Variants in B3GALT1 observed in about 807,000 individuals in gnomAD.
B3GALT1 encodes UDP-Gal:betaGlcNAc beta 1,3-galactosyltransferase, polypeptide 1.
Under a neutral mutation model 23.2 loss-of-function variants are expected in B3GALT1, and 10 were observed. The observed-to-expected ratio is 0.43, with a 90% CI of 0.27 to 0.73. B3GALT1 has a LOEUF of 0.73. Ranked by LOEUF, B3GALT1 falls within the 30% of genes least tolerant of loss-of-function variation. The pLI is 0.21. For synonymous variants in B3GALT1, 156 were observed against 141.5 expected (o/e 1.10, Z -0.73); for missense variants, 299 against 405.4 (o/e 0.74, Z 2.25).
At chr2:167,368,706 A>G (rs1193170559) in intron 1 of B3GALT1, among the ~76,000 whole-genome samples, 3 of 152,134 alleles carry the variant, frequency 2.0e-5, no homozygotes, top group Non-Finnish European at 1.5e-5. Flanking sequence ...AAAACGTTAT[A>G]TGATTCACAG....
At chr2:167,536,009 C>T (rs181793271) in intron 2 of B3GALT1, among the ~76,000 whole-genome samples, 159 of 152,196 alleles carry the variant, frequency 1.0e-3, no homozygotes, top group South Asian at 4.6e-3. Context: ...CTGCAACCTC[C>T]GCCTCCCAGG....
At chr2:167,295,859 AAATAT>A (rs1696343239) in intron 1 of B3GALT1, among the ~76,000 whole-genome samples, 1 of 152,182 alleles carries the variant, frequency 6.6e-6, no homozygotes, top group South Asian at 2.1e-4. Flanking sequence ...CGAGTAGGAC[AAATAT>A]AATCAAGTAC....
intron 4 of B3GALT1, among the ~76,000 whole-genome samples, chr2:167,820,831 AT>A (rs1477343032): frequency 1.3e-5 from 2 of 152,240 alleles, no homozygotes; most frequent in Non-Finnish European, 2.9e-5. Context: ...AAAGTAGCAA[AT>A]TAGAGTTCTC....
At chr2:167,371,763 T>C (rs1396306769) in intron 1 of B3GALT1, among the ~76,000 whole-genome samples, 2 of 151,982 alleles carry the variant, frequency 1.3e-5, no homozygotes, top group African/African-American at 4.8e-5. Flanking sequence ...TTGATCTATA[T>C]ATGTTTTTAA....
At chr2:167,866,015 A>G (rs1690210463) in intron 4 of B3GALT1, among the ~76,000 whole-genome samples, 1 of 151,918 alleles carries the variant, frequency 6.6e-6, no homozygotes, top group African/African-American at 2.4e-5. Context: ...CTTTTACTCA[A>G]CTAGTCCTGG....
chr2:167,767,611 A>T (rs1483978771), intron 3 of B3GALT1, among the ~76,000 whole-genome samples: 1 of 152,198 alleles, frequency 6.6e-6, no homozygotes, highest in Non-Finnish European at 1.5e-5. Flanking sequence ...TTCATAATAC[A>T]CATTTTCCAT....
chr2:167,307,568 T>C (rs1426263236), intron 1 of B3GALT1, among the ~76,000 whole-genome samples: 1 of 152,044 alleles, frequency 6.6e-6, no homozygotes, highest in Non-Finnish European at 1.5e-5. Flanking sequence ...TGGTGGACAG[T>C]GAATGGTGAG....
intron 2 of B3GALT1, among the ~76,000 whole-genome samples, chr2:167,592,957 A>C (rs1160117571): frequency 6.6e-6 from 1 of 152,214 alleles, no homozygotes; most frequent in Non-Finnish European, 1.5e-5. Flanking sequence ...TGCAATGGGA[A>C]GTCATGTCAC....
In B3GALT1 at chr2:167,465,669, G is replaced by A. The variant is rs528482406; in HGVS notation, c.-510-24508G>A. Among the ~76,000 whole-genome samples, 114 of 152,160 alleles carry A rather than the reference G, an allele frequency of 7.5e-4. 1 individual carries two copies. In the Middle Eastern group the frequency reaches 0.02, roughly 27 times the overall value. On this transcript the variant is annotated intron_variant, in intron 1 of 4. Transcript: ENST00000392690. ...TAGGTGTCAACATATGAATTTTGAG[G>A]CGATACATTTAGACCACAGCAGATA...
At chr2:167,622,964 T>C (rs1189327179) in intron 2 of B3GALT1, among the ~76,000 whole-genome samples, 1 of 152,092 alleles carries the variant, frequency 6.6e-6, no homozygotes, top group Non-Finnish European at 1.5e-5. Context: ...ATAAAATCTT[T>C]TGATTCTCCT....
At chr2:167,816,934 A>G (rs1689004742) in intron 3 of B3GALT1, among the ~76,000 whole-genome samples, 1 of 152,198 alleles carries the variant, frequency 6.6e-6, no homozygotes, top group African/African-American at 2.4e-5. Context: ...TTAGAATAAG[A>G]CATTTTTTAC....
intron 1 of B3GALT1, among the ~76,000 whole-genome samples, chr2:167,295,224 T>G (rs1271954102): frequency 6.6e-6 from 1 of 152,216 alleles, no homozygotes; most frequent in Non-Finnish European, 1.5e-5. Context: ...GCATTTGGAC[T>G]AGTAAAAAAT....
At chr2:167,344,147 C>T (rs1697191191) in intron 1 of B3GALT1, among the ~76,000 whole-genome samples, 1 of 152,006 alleles carries the variant, frequency 6.6e-6, no homozygotes, top group African/African-American at 2.4e-5. Flanking sequence ...ATCAATGTAA[C>T]AAGTAGTGTG....
chr2:167,433,493 T>C (rs1415916659), intron 1 of B3GALT1, among the ~76,000 whole-genome samples: 1 of 152,116 alleles, frequency 6.6e-6, no homozygotes, highest in Non-Finnish European at 1.5e-5. Flanking sequence ...GTAGAATACA[T>C]AGGATAAGAG....
chr2:167,362,639 A>G (rs1047352787), intron 1 of B3GALT1, among the ~76,000 whole-genome samples: 4 of 150,866 alleles, frequency 2.7e-5, no homozygotes, highest in African/African-American at 9.8e-5. Context: ...TCTGGGCCTT[A>G]TTTAACTGTC....
At position 167,869,379 on chromosome 2, in the gene B3GALT1, A is replaced by C. The variant is rs1480599891; in HGVS notation, c.340A>C (p.Thr114Pro). 3.1e-6 allele frequency: 5 copies of C among 1,613,952 alleles called. No individual in the cohort carries two copies. Among genetic ancestry groups the C allele is most frequent in the Non-Finnish European group, 4.2e-6 (5 of 1,180,024 alleles). The change falls in exon 5 of 5, where the codon ACC becomes CCC. Residue 114 changes from threonine to proline, a missense_variant. By Grantham distance (38) the Thr-to-Pro change is conservative. Around this residue, in one of 3 missense-constraint regions of B3GALT1, gnomAD observed 162 missense variants for 184.1 expected, o/e 0.88. Coordinates refer to ENST00000392690, the MANE Select transcript of B3GALT1 (RefSeq NM_020981.4). This position sits in a 1 kb window ranked among gnomAD's most constrained non-coding sequence, Gnocchi z 6.4. The stretch of plus-strand genomic sequence containing the variant: ...CAACTTTAAGGGGATCAAGATAGCC[A>C]CCCTGTTCCTCCTGGGCAAGAATGC... ...ENNFKGIKIA[T>P]LFLLGKNADP... is the part of the protein sequence containing the mutation.
intron 2 of B3GALT1, among the ~76,000 whole-genome samples, chr2:167,504,208 AG>A (rs1699886803): frequency 6.6e-6 from 1 of 152,204 alleles, no homozygotes; most frequent in African/African-American, 2.4e-5. Context: ...CCAAGCCCAT[AG>A]ATTGAATGTC....
intron 2 of B3GALT1, among the ~76,000 whole-genome samples, chr2:167,610,031 T>G (rs1685031575): frequency 6.6e-6 from 1 of 152,042 alleles, no homozygotes; most frequent in Admixed American, 6.6e-5. Flanking sequence ...AAATATATAG[T>G]GCTAAACTTT....
chr2:167,665,583 C>T (rs1686162058), intron 3 of B3GALT1, among the ~76,000 whole-genome samples: 1 of 151,514 alleles, frequency 6.6e-6, no homozygotes, highest in African/African-American at 2.4e-5. Flanking sequence ...GCTGTGAGTC[C>T]ATCTGGTCCT....
Sources: allele counts gnomAD v4.1 joint callset (sites outside exome capture counted in the v4.1 genomes callset), GRCh38; gene constraint gnomAD v4.1.1; regional missense constraint gnomAD v4.1.1; non-coding constraint Gnocchi (gnomAD v3.1); transcripts MANE v1.5; gene names NCBI Gene and HGNC (gene_info 2026-07-23, HGNC 2026-07-21).